TBC1D16: variants seen among roughly 807,000 people sequenced by gnomAD.
The protein encoded by TBC1D16 is TBC1 domain family member 16, also known as CTD-2529O21.1.
A neutral mutation model predicts 74.7 loss-of-function variants in TBC1D16; 58 were observed. The observed-to-expected ratio is 0.78, with a 90% CI of 0.63 to 0.97. The LOEUF is 0.97. TBC1D16 is among the 50% of genes least tolerant of loss of function. The probability of loss-of-function intolerance (pLI) is 0.00; values close to 1 mark genes in which losing one functional copy is unlikely to be tolerated. For synonymous variants in TBC1D16, 493 were observed against 474.7 expected (o/e 1.04, Z -0.50); for missense variants, 1,014 against 1,079.5 (o/e 0.94, Z 0.85).
At chr17:79,942,807 G>C (rs375111017) in intron 10 of TBC1D16, among the ~76,000 whole-genome samples, 5 of 152,320 alleles carry the variant, frequency 3.3e-5, no homozygotes, top group African/African-American at 9.6e-5. Flanking sequence ...TCACCCACAG[G>C]GTGGCTGAAA....
At chr17:79,945,568 C>T (rs571415958) in intron 9 of TBC1D16, among the ~76,000 whole-genome samples, 14 of 152,288 alleles carry the variant, frequency 9.2e-5, no homozygotes, top group South Asian at 2.1e-4. Flanking sequence ...CCAGGATGCT[C>T]GATTCCTGCC....
chr17:80,018,037 T>C (rs1207934415), intron 1 of TBC1D16, among the ~76,000 whole-genome samples: 1 of 152,210 alleles, frequency 6.6e-6, no homozygotes, highest in Non-Finnish European at 1.5e-5. Context: ...TCCAGAATAG[T>C]TTAAGAATTC....
At chr17:79,998,379 G>A (rs1217771705) in intron 3 of TBC1D16, among the ~76,000 whole-genome samples, 1 of 151,308 alleles carries the variant, frequency 6.6e-6, no homozygotes, top group Non-Finnish European at 1.5e-5. Flanking sequence ...CCAGGTTGGA[G>A]GGCAGTGGTG....
intron 3 of TBC1D16, among the ~76,000 whole-genome samples, chr17:79,976,592 G>A (rs1322012608): frequency 6.6e-6 from 1 of 152,202 alleles, no homozygotes; most frequent in South Asian, 2.1e-4. Context: ...CAGCTTAGGG[G>A]ATTCTGGTGA....
At chr17:79,978,461 T>C in intron 3 of TBC1D16, among the ~76,000 whole-genome samples, 1 of 137,548 alleles carries the variant, frequency 7.3e-6, no homozygotes, top group East Asian at 2.5e-4. Context: ...GGGGGCGGGG[T>C]GGGGGCCGTG....
At chr17:79,976,535 A>T (rs1308508414) in intron 3 of TBC1D16, among the ~76,000 whole-genome samples, 1 of 152,160 alleles carries the variant, frequency 6.6e-6, no homozygotes, top group Non-Finnish European at 1.5e-5. Context: ...CATCCTTCCC[A>T]ACAAAGATGA....
intron 3 of TBC1D16, among the ~76,000 whole-genome samples, chr17:79,996,816 GA>G (rs1451405934): frequency 1.3e-5 from 2 of 152,150 alleles, no homozygotes; most frequent in Non-Finnish European, 1.5e-5. Context: ...CTAGAGAAAC[GA>G]AAACTTAGGT....
chr17:80,020,242 T>C (rs1407530362), intron 1 of TBC1D16, among the ~76,000 whole-genome samples: 1 of 149,676 alleles, frequency 6.7e-6, no homozygotes, highest in Non-Finnish European at 1.5e-5. Context: ...CCCTGGTACT[T>C]TGTTAGGGCA....
rs566081474 is a variant in TBC1D16, at chr17:79,986,349, C to A, written c.779+23811G>T. ...ATAAACGCAAGGTGATCTCTGAGCA[C>A]CTCTTAGACAGAAGTCTGGGCAGAC... On this transcript the variant is annotated intron_variant, in intron 3 of 11. Transcript: ENST00000310924. The surrounding 1 kb of genome is among the most constrained non-coding windows in gnomAD (Gnocchi z 6.0). Among the ~76,000 whole-genome samples the A allele has an allele frequency of 5.9e-5, 9 of 152,322 alleles. No homozygotes were observed. The South Asian group carries it at 1.9e-3, about 32-fold the overall frequency.
chr17:79,997,983 G>T (rs2035337482), intron 3 of TBC1D16, among the ~76,000 whole-genome samples: 1 of 152,084 alleles, frequency 6.6e-6, no homozygotes, highest in Non-Finnish European at 1.5e-5. Flanking sequence ...AAATTAGCTG[G>T]GTGTGGTGGC....
Position 79,971,974 on chromosome 17 carries a change from G to A in TBC1D16, c.780-19156C>T, listed in dbSNP as rs2034126032. On this transcript the variant is annotated intron_variant, in intron 3 of 11. Transcript: ENST00000310924. The surrounding 1 kb of genome is among the most constrained non-coding windows in gnomAD (Gnocchi z 4.6). ...GTCGGAGTGCTCTGAAAACGGCCCTGGCATTGATTTTTAAAAAGGGTCGCT... is the reference window on the plus strand; with the variant it reads ...GTCGGAGTGCTCTGAAAACGGCCCTAGCATTGATTTTTAAAAAGGGTCGCT... Among the ~76,000 whole-genome samples the A allele has an allele frequency of 6.6e-6, 1 of 152,054 alleles. No homozygotes were observed. Among genetic ancestry groups the A allele is most frequent in the Non-Finnish European group, 1.5e-5 (1 of 68,024 alleles).
At chr17:80,034,453 C>T (rs1179610977) in intron 1 of TBC1D16, among the ~76,000 whole-genome samples, 18 of 152,112 alleles carry the variant, frequency 1.2e-4, no homozygotes, top group East Asian at 3.8e-4. Context: ...CCGCTCGCCT[C>T]GTCCTCCCAA....
Position 79,933,974 on chromosome 17 carries a change from G to A in TBC1D16, c.*6885C>T, listed in dbSNP as rs1193230507. ...AGAACTTCCCCTCTGGAGCCTGTGC[G>A]GCTGGTTGAGTGTAAACGCTGAGTC... On this transcript the variant is annotated 3_prime_UTR_variant, in exon 12 of 12. Coordinates refer to ENST00000310924, the MANE Select transcript of TBC1D16 (RefSeq NM_019020.4). 6.6e-6 allele frequency: 1 copy of A among 152,292 alleles called. No homozygotes were observed. The highest frequency in any genetic ancestry group is 1.5e-5 in the Non-Finnish European group (1 of 68,118). The allele number at this position is 152,292 out of a possible 1,614,324, so 9.4% of individuals were successfully genotyped here. A position where few individuals can be genotyped will look rare whatever the true frequency, so the allele number is the denominator to read the frequency against.
Position 80,010,252 on chromosome 17 carries a change from G to A in TBC1D16, c.687C>T (p.Asp229=). Residue 229 remains aspartate (D), a synonymous_variant, in exon 3 of 12, where the codon GAC becomes GAT. Transcript: ENST00000310924. This position sits in a 1 kb window ranked among gnomAD's most constrained non-coding sequence, Gnocchi z 8.8. The part of the protein sequence containing the change: ...GVSRDSSFDS[D]SDTFSSPFCL... The stretch of plus-strand genomic sequence containing the variant: ...AGAAGGGCGAGGAGAAGGTGTCTGA[G>A]TCTGAGTCAAAGGAGCTGTCTCTGC... 1 of 1,613,588 alleles carries A rather than the reference G, an allele frequency of 6.2e-7. No homozygotes were observed. The highest frequency in any genetic ancestry group is 8.5e-7 in the Non-Finnish European group (1 of 1,179,870).
Position 79,988,655 on chromosome 17 carries a change from T to A in TBC1D16, c.779+21505A>T, listed in dbSNP as rs1345240880. Among the ~76,000 whole-genome samples the A allele has an allele frequency of 1.3e-5, 2 of 152,216 alleles. No individual in the cohort carries two copies. The highest frequency in any genetic ancestry group is 4.8e-5 in the African/African-American group (2 of 41,530). ...ATCAACTCCAACAAAGGGGAAAAAA[T>A]TAACATTAAGGGCAAAAAGACTTTT... On this transcript the variant is annotated intron_variant, in intron 3 of 11. Transcript: ENST00000310924. This position sits in a 1 kb window ranked among gnomAD's most constrained non-coding sequence, Gnocchi z 5.7.
In TBC1D16 at chr17:79,980,060, C is replaced by T. The variant is rs974723297; in HGVS notation, c.780-27242G>A. On this transcript the variant is annotated intron_variant, in intron 3 of 11. Coordinates refer to ENST00000310924, the MANE Select transcript of TBC1D16 (RefSeq NM_019020.4). This position sits in a 1 kb window ranked among gnomAD's most constrained non-coding sequence, Gnocchi z 7.0. ...CCTTGCACCTGGAGGAGCAGCTCACCGTGCCGTGGAGGGTGGCCGCGAGGT... is the reference window on the plus strand; with the variant it reads ...CCTTGCACCTGGAGGAGCAGCTCACTGTGCCGTGGAGGGTGGCCGCGAGGT... Among the ~76,000 whole-genome samples the T allele has an allele frequency of 2.6e-5, 4 of 152,264 alleles. No homozygotes were observed. The South Asian group carries it at 6.2e-4, about 24-fold the overall frequency.
chr17:80,012,012 T>G (rs971383804), intron 2 of TBC1D16, among the ~76,000 whole-genome samples: 2 of 152,060 alleles, frequency 1.3e-5, no homozygotes, highest in Non-Finnish European at 2.9e-5. Context: ...CCAGAGCAAG[T>G]GGGTGGGTGC....
chr17:79,941,997 G>T lies in TBC1D16; in HGVS notation c.2055+63C>A. 1 of 1,472,638 alleles carries T rather than the reference G, an allele frequency of 6.8e-7. No homozygotes were observed. The highest frequency in any genetic ancestry group is 1.2e-5 in the South Asian group (1 of 80,282). 91.2% of individuals were successfully genotyped at this position (1,472,638 alleles called of 1,614,324 possible). A position where few individuals can be genotyped will look rare whatever the true frequency, so the allele number is the denominator to read the frequency against. On this transcript the variant is annotated intron_variant, in intron 11 of 11. Transcript: ENST00000310924. The surrounding 1 kb of genome is among the most constrained non-coding windows in gnomAD (Gnocchi z 4.3). ...GGGGCAGCCTCACCTTTCTGAGAACGAGCTGGTGGGGTGGGGCTTTGGGGG... is the reference window on the plus strand; with the variant it reads ...GGGGCAGCCTCACCTTTCTGAGAACTAGCTGGTGGGGTGGGGCTTTGGGGG...
At chr17:79,962,537 C>T (rs2033663162) in intron 3 of TBC1D16, among the ~76,000 whole-genome samples, 1 of 151,876 alleles carries the variant, frequency 6.6e-6, no homozygotes, top group Non-Finnish European at 1.5e-5. Context: ...TTTAAATGTA[C>T]AGTTCAGGTA....
Sources: allele counts gnomAD v4.1 joint callset (sites outside exome capture counted in the v4.1 genomes callset), GRCh38; gene constraint gnomAD v4.1.1; non-coding constraint Gnocchi (gnomAD v3.1); transcripts MANE v1.5; gene names NCBI Gene and HGNC (gene_info 2026-07-23, HGNC 2026-07-21).